The following ABCA4 variants were observed in gnomAD, a reference collection of about 807,000 sequenced individuals.
ABCA4 encodes ATP binding cassette subfamily A member 4.
In ABCA4, 196 loss-of-function variants were observed where a neutral mutation model predicts 263.7. The observed-to-expected ratio is 0.74, with a 90% CI of 0.66 to 0.84. The LOEUF is 0.84. ABCA4 is among the 40% of genes least tolerant of loss of function. ABCA4 has a pLI of 0.00. For synonymous variants in ABCA4, 1,133 were observed against 1,094.2 expected (o/e 1.04, Z -0.70); for missense variants, 2,792 against 2,855.1 (o/e 0.98, Z 0.50).
chr1:94,063,727 G>A (rs1661192479), intron 11 of ABCA4, among the ~76,000 whole-genome samples: 2 of 150,502 alleles, frequency 1.3e-5, no homozygotes, highest in Admixed American at 1.3e-4. Flanking sequence ...GCTTTAAAGA[G>A]AGAGAGAAAC....
At chr1:94,018,344 T>C (rs1055023642) in intron 36 of ABCA4, among the ~76,000 whole-genome samples, 2 of 152,258 alleles carry the variant, frequency 1.3e-5, no homozygotes, top group Admixed American at 6.5e-5. Flanking sequence ...TCCTTTTATA[T>C]TAGCATCACA....
chr1:94,008,656 C>T (rs1659462779), intron 41 of ABCA4, 95 bp downstream of exon 41: 4 of 1,560,154 alleles, frequency 2.6e-6, no homozygotes, highest in Non-Finnish European at 3.5e-6. Context: ...AAATTGCTTG[C>T]ATAAGCATAT....
Position 94,063,252 on chromosome 1 carries a change from A to G in ABCA4, c.1620T>C (p.Ser540=). 6.2e-7 allele frequency: 1 copy of G among 1,614,156 alleles called. No individual in the cohort carries two copies. Among genetic ancestry groups the G allele is most frequent in the Non-Finnish European group, 8.5e-7 (1 of 1,180,030 alleles). The change falls in exon 12 of 50, where the codon TCT becomes TCC. Residue 540 remains serine, a synonymous_variant. Transcript: ENST00000370225. The part of the protein sequence containing the change: ...DETQLTQRAL[S]LLEENMFWAG... ...CCCAGAACATGTTTTCCTCCAGTAG[A>G]GAGAGGGCACGTTGGGTGAGCTGAG...
chr1:94,079,248 C>G (rs1661619600), intron 9 of ABCA4, 74 bp downstream of exon 9: 13 of 1,585,860 alleles, frequency 8.2e-6, no homozygotes, highest in African/African-American at 1.4e-5. Context: ...GCACATCTCT[C>G]TCACACACAC....
intron 6 of ABCA4, among the ~76,000 whole-genome samples, chr1:94,096,316 G>C (rs138211833): frequency 3.0e-3 from 460 of 152,238 alleles, no homozygotes; most frequent in African/African-American, 9.6e-3. Context: ...GCTACCGCTC[G>C]GGGGGACAAA....
intron 28 of ABCA4, among the ~76,000 whole-genome samples, 177 bp downstream of exon 28, chr1:94,030,819 G>A (rs1206601944): frequency 1.3e-5 from 2 of 152,064 alleles, no homozygotes; most frequent in African/African-American, 2.4e-5. Flanking sequence ...CACTAGGATC[G>A]CCTTTCCAAG....
At chr1:94,011,430 C>A (rs181367879) in intron 38 of ABCA4, 45 bp from the exon 39 acceptor site, 2 of 1,603,092 alleles carry the variant, frequency 1.2e-6, no homozygotes, top group Admixed American at 3.4e-5. Flanking sequence ...CAAACCCCAC[C>A]CCCCCTCTCT....
At chr1:94,012,098 G>A (rs1203525317) in intron 38 of ABCA4, among the ~76,000 whole-genome samples, 2 of 152,190 alleles carry the variant, frequency 1.3e-5, no homozygotes, top group Non-Finnish European at 1.5e-5. Context: ...CGAGGCGTAC[G>A]AGGCCAGCAT....
chr1:94,087,204 T>C (rs1661854628), intron 6 of ABCA4, among the ~76,000 whole-genome samples: 1 of 152,160 alleles, frequency 6.6e-6, no homozygotes, highest in Non-Finnish European at 1.5e-5. Context: ...AACATTCAGA[T>C]CATAGCATGC....
intron 4 of ABCA4, 46 bp downstream of exon 4, chr1:94,108,531 C>A: frequency 6.2e-7 from 1 of 1,611,524 alleles, no homozygotes; most frequent in South Asian, 1.1e-5. Context: ...TCAGTCTCTC[C>A]ATAGGTGAGG....
intron 1 of ABCA4, among the ~76,000 whole-genome samples, chr1:94,115,972 C>T (rs1210639964): frequency 1.3e-5 from 2 of 152,160 alleles, no homozygotes; most frequent in Non-Finnish European, 2.9e-5. Flanking sequence ...GGGAGGGGAC[C>T]AGCCAGCTTG....
intron 23 of ABCA4, among the ~76,000 whole-genome samples, chr1:94,040,775 CT>C (rs1231010713): frequency 2.0e-5 from 3 of 152,084 alleles, no homozygotes; most frequent in African/African-American, 7.2e-5. Flanking sequence ...CTGGTTGGTA[CT>C]TTTTGCCTTC....
chr1:94,019,776 G>A lies in ABCA4; in HGVS notation c.5019-17C>T. On this transcript the variant is annotated splice_polypyrimidine_tract_variant and intron_variant, in intron 35 of 49. Coordinates refer to ENST00000370225, the MANE Select transcript of ABCA4 (RefSeq NM_000350.3). ...GTGGTCAGCCTGCAGCAGGGCCAGAGACACAGGGAGAGGGCGATGAAGAGG... is the reference window on the plus strand; with the variant it reads ...GTGGTCAGCCTGCAGCAGGGCCAGAAACACAGGGAGAGGGCGATGAAGAGG... 1 of 1,607,180 alleles carries A rather than the reference G, an allele frequency of 6.2e-7. No individual in the cohort carries two copies. Among genetic ancestry groups the A allele is most frequent in the Non-Finnish European group, 8.5e-7 (1 of 1,176,528 alleles).
intron 38 of ABCA4, 49 bp downstream of exon 38, chr1:94,014,494 C>A: frequency 6.2e-7 from 1 of 1,605,132 alleles, no homozygotes; most frequent in African/African-American, 1.3e-5. Flanking sequence ...CCAACACATA[C>A]TCTACTATCC....
intron 4 of ABCA4, among the ~76,000 whole-genome samples, chr1:94,107,688 C>G (rs1445719166): frequency 6.6e-6 from 1 of 152,120 alleles, no homozygotes. Context: ...AACATCATCA[C>G]CTCCCATTTC....
At chr1:94,120,168 G>C (rs1024394357) in intron 1 of ABCA4, among the ~76,000 whole-genome samples, 1 of 152,100 alleles carries the variant, frequency 6.6e-6, no homozygotes, top group African/African-American at 2.4e-5. Context: ...TCTGATCTCC[G>C]GCACCTTTTG....
chr1:94,051,835 G>A, intron 16 of ABCA4, 137 bp from the exon 17 acceptor site: 2 of 715,658 alleles, frequency 2.8e-6, no homozygotes, highest in South Asian at 3.2e-5. Flanking sequence ...TTATTACATG[G>A]CTATTCTCAG....
intron 16 of ABCA4, among the ~76,000 whole-genome samples, chr1:94,052,854 C>A (rs1427038692): frequency 6.6e-6 from 1 of 152,082 alleles, no homozygotes. Context: ...TTTTTTTATT[C>A]ATAATAAGCC....
At chr1:94,034,836 TA>T (rs1660299182) in intron 26 of ABCA4, among the ~76,000 whole-genome samples, 1 of 152,204 alleles carries the variant, frequency 6.6e-6, no homozygotes, top group Non-Finnish European at 1.5e-5. Flanking sequence ...AGATGGTTTG[TA>T]AACATTTAGT....
Sources: gnomAD v4.1 joint callset for allele counts (sites outside exome capture counted in the v4.1 genomes callset) on GRCh38, gnomAD v4.1.1 for gene constraint, MANE v1.5 for transcripts, NCBI Gene and HGNC (gene_info 2026-07-23, HGNC 2026-07-21) for gene names.